CREBBP: variants seen among roughly 807,000 people sequenced by gnomAD.
CREBBP encodes the protein CREB binding lysine acetyltransferase, also known as CREB-binding protein.
CREBBP carries 19 observed loss-of-function variants against 265.0 expected under a neutral mutation model. That is an observed-to-expected ratio of 0.07 (90% CI 0.05 to 0.11). The LOEUF (loss-of-function observed/expected upper bound fraction) is 0.11, where lower values mean the gene tolerates loss of function less well. Among genes scored for constraint, CREBBP ranks in the 10% least tolerant of loss-of-function variants. CREBBP has a pLI of 1.00. For synonymous variants in CREBBP, 1,457 were observed against 1,223.7 expected (o/e 1.19, Z -3.98); for missense variants, 2,525 against 3,219.0 (o/e 0.78, Z 5.22).
chr16:3,777,401 C>A lies in CREBBP; in HGVS notation c.2158+212G>T, dbSNP rs553071109. On this transcript the variant is annotated intron_variant, in intron 11 of 30. Coordinates refer to ENST00000262367, the MANE Select transcript of CREBBP (RefSeq NM_004380.3). ...ATAAATAAATAGCTAAATACTGCTTCTTATCTCTTGGAAGATCTTTCCTAT... is the reference window on the plus strand; with the variant it reads ...ATAAATAAATAGCTAAATACTGCTTATTATCTCTTGGAAGATCTTTCCTAT... Among the ~76,000 whole-genome samples, 21 of 152,184 alleles carry A rather than the reference C, an allele frequency of 1.4e-4. 1 individual carries two copies. Among genetic ancestry groups the A allele is most frequent in the Middle Eastern group, 6.8e-3 (2 of 292 alleles).
chr16:3,760,698 C>T (rs556994425), intron 16 of CREBBP, among the ~76,000 whole-genome samples: 1 of 152,106 alleles, frequency 6.6e-6, no homozygotes, highest in East Asian at 1.9e-4. Context: ...GCCACTGTAC[C>T]CAGCCATCAT....
intron 13 of CREBBP, among the ~76,000 whole-genome samples, chr16:3,771,521 T>C (rs1350799832): frequency 6.6e-6 from 1 of 152,144 alleles, no homozygotes; most frequent in Non-Finnish European, 1.5e-5. Context: ...CCATTGAAAC[T>C]TATGGCTTAA....
At chr16:3,821,052 G>C (rs2054132583) in intron 2 of CREBBP, among the ~76,000 whole-genome samples, 1 of 152,188 alleles carries the variant, frequency 6.6e-6, no homozygotes, top group Non-Finnish European at 1.5e-5. Context: ...AAGGTCACTG[G>C]AGAAACTATT....
chr16:3,811,810 A>G (rs1567332197), intron 2 of CREBBP, among the ~76,000 whole-genome samples: 1 of 152,282 alleles, frequency 6.6e-6, no homozygotes, highest in East Asian at 1.9e-4. Flanking sequence ...GGTTTTCCTA[A>G]TAACGTTTTC....
chr16:3,770,893 G>T lies in CREBBP; in HGVS notation c.2557C>A (p.Leu853Met), dbSNP rs542970560. 4 of 1,613,764 alleles carry T rather than the reference G, an allele frequency of 2.5e-6. No individual in the cohort carries two copies. The highest frequency in any genetic ancestry group is 1.6e-4 in the Middle Eastern group (1 of 6,084). Reference protein sequence around the residue: ...LPCPPVTQSPLHPTPPPASTA... With the variant: ...LPCPPVTQSPMHPTPPPASTA... ...GAAGCAGGAGGCGGTGTTGGGTGCA[G>T]TGGTGACTGTGTCACTGGAGGGCAA... Residue 853 changes from leucine to methionine, a missense_variant, in exon 14 of 31, where the codon CTG (leucine) becomes ATG (methionine). By Grantham distance (15) the Leu-to-Met change is conservative. Around this residue, in one of 19 missense-constraint regions of CREBBP, gnomAD observed 548 missense variants for 533.0 expected, o/e 1.03. Coordinates refer to ENST00000262367, the MANE Select transcript of CREBBP (RefSeq NM_004380.3).
In CREBBP at chr16:3,725,618, G is replaced by C. The variant is rs2051722163; in HGVS notation, c.*2100C>G. ...GGATGGGGTGAATGGGGGCTGGTCAGGGGTGCCAGATGGTGGTCTTATTTT... is the reference window on the plus strand; with the variant it reads ...GGATGGGGTGAATGGGGGCTGGTCACGGGTGCCAGATGGTGGTCTTATTTT... On this transcript the variant is annotated 3_prime_UTR_variant, in exon 31 of 31. Coordinates refer to ENST00000262367, the MANE Select transcript of CREBBP (RefSeq NM_004380.3). 1 of 233,236 alleles carries C rather than the reference G, an allele frequency of 4.3e-6. No individual in the cohort carries two copies. The highest frequency in any genetic ancestry group is 2.2e-5 in the African/African-American group (1 of 45,360). The allele number at this position is 233,236 out of a possible 1,614,324, so 14.4% of individuals were successfully genotyped here.
rs2053300662 is a variant in CREBBP, at chr16:3,782,707, T to C, written c.1550A>G (p.Gln517Arg). Residue 517 changes from glutamine (Q) to arginine (R), a missense_variant, in exon 6 of 31, where the codon CAG (glutamine) becomes CGG (arginine). Around this residue, in one of 19 missense-constraint regions of CREBBP, gnomAD observed 144 missense variants for 134.0 expected, o/e 1.07. Transcript: ENST00000262367. Reference sequence around the variant, plus strand: ...ACCCAGGGGGTTGAGAGTCCTCATCTGCTGGTGGGTTTGAGGCTGTGCTGG... The same window carrying C: ...ACCCAGGGGGTTGAGAGTCCTCATCCGCTGGTGGGTTTGAGGCTGTGCTGG... ...QQPAQPQTHQ[Q>R]MRTLNPLGNN... The C allele has an allele frequency of 1.2e-6, 2 of 1,614,184 alleles. No individual in the cohort carries two copies. The highest frequency in any genetic ancestry group is 1.7e-6 in the Non-Finnish European group (2 of 1,180,010).
rs1427234829 is a variant in CREBBP, at chr16:3,857,831, G to A, written c.86-6822C>T. ...CAGCTTCCTGGCTGCCAACCAGGAG[G>A]CTACCCCTTTCATTAAGCTGAAATG... On this transcript the variant is annotated intron_variant, in intron 1 of 30. Transcript: ENST00000262367. Among the ~76,000 whole-genome samples, 5 of 152,342 alleles carry A rather than the reference G, an allele frequency of 3.3e-5. No homozygotes were observed. In the East Asian group the frequency reaches 9.6e-4, roughly 29 times the overall value.
At chr16:3,800,597 A>G (rs1165794849) in intron 3 of CREBBP, among the ~76,000 whole-genome samples, 1 of 152,152 alleles carries the variant, frequency 6.6e-6, no homozygotes, top group Non-Finnish European at 1.5e-5. Flanking sequence ...AGTCCCAGCT[A>G]CTCAGGAGGC....
intron 11 of CREBBP, among the ~76,000 whole-genome samples, chr16:3,775,861 C>T (rs981334697): frequency 6.6e-6 from 1 of 152,146 alleles, no homozygotes; most frequent in African/African-American, 2.4e-5. Flanking sequence ...TGGACCAATC[C>T]CCAACACAGC....
At chr16:3,833,408 T>C (rs563782835) in intron 2 of CREBBP, among the ~76,000 whole-genome samples, 1 of 152,206 alleles carries the variant, frequency 6.6e-6, no homozygotes, top group African/African-American at 2.4e-5. Flanking sequence ...TGAGAGTCCA[T>C]CTCAAAAGAA....
intron 1 of CREBBP, 58 bp from the exon 2 acceptor site, chr16:3,851,067 T>G (rs529634950): frequency 6.9e-7 from 1 of 1,441,820 alleles, no homozygotes; most frequent in African/African-American, 1.4e-5. Context: ...GCTCTCCAAC[T>G]GCCACGTTTC....
intron 11 of CREBBP, among the ~76,000 whole-genome samples, chr16:3,777,016 T>A (rs939551202): frequency 7.0e-6 from 1 of 143,504 alleles, no homozygotes; most frequent in Non-Finnish European, 1.5e-5. Flanking sequence ...AGGCTCTGTC[T>A]CAAAAAAATA....
chr16:3,739,524 C>G (rs1389598018), intron 25 of CREBBP, 54 bp downstream of exon 25: 1 of 1,610,512 alleles, frequency 6.2e-7, no homozygotes, highest in Non-Finnish European at 8.5e-7. Context: ...GAGCCCTGGT[C>G]TATCCTAACA....
At chr16:3,827,554 G>A (rs1597013149) in intron 2 of CREBBP, among the ~76,000 whole-genome samples, 1 of 151,948 alleles carries the variant, frequency 6.6e-6, no homozygotes, top group East Asian at 1.9e-4. Flanking sequence ...ACCACGCCCG[G>A]CTAATTTTTT....
In CREBBP at chr16:3,728,017, G is replaced by T; in HGVS notation, c.7030C>A (p.Arg2344=). 1 of 1,610,816 alleles carries T rather than the reference G, an allele frequency of 6.2e-7. No individual in the cohort carries two copies. The highest frequency in any genetic ancestry group is 8.5e-7 in the Non-Finnish European group (1 of 1,177,502). Residue 2344 remains arginine, a synonymous_variant, in exon 31 of 31, where the codon CGG becomes AGG. Transcript: ENST00000262367. This position sits in a 1 kb window ranked among gnomAD's most constrained non-coding sequence, Gnocchi z 8.7. The part of the protein sequence containing the change: ...QIATSLSNQV[R]SPAPVQSPRP... Reference sequence around the variant, plus strand: ...GGAGACTGGACAGGGGCTGGAGACCGCACCTGGTTACTAAGGGACGTGGCG... The same window carrying T: ...GGAGACTGGACAGGGGCTGGAGACCTCACCTGGTTACTAAGGGACGTGGCG...
intron 21 of CREBBP, among the ~76,000 whole-genome samples, chr16:3,747,468 G>C (rs556865274): frequency 2.0e-5 from 3 of 152,098 alleles, no homozygotes; most frequent in Non-Finnish European, 4.4e-5. Context: ...GAAACCAGGC[G>C]CAACTGTGGT....
intron 13 of CREBBP, among the ~76,000 whole-genome samples, chr16:3,772,813 T>C (rs1029656896): frequency 2.7e-5 from 4 of 149,520 alleles, no homozygotes; most frequent in African/African-American, 9.9e-5. Flanking sequence ...CTTACTCCTG[T>C]AATCCCAGCA....
rs1567331530 is a variant in CREBBP at position 3,810,786 on chromosome 16, C to G, written c.799-7G>C. 6.2e-7 allele frequency: 1 copy of G among 1,612,344 alleles called. No homozygotes were observed. The highest frequency in any genetic ancestry group is 1.1e-5 in the South Asian group (1 of 90,948). On this transcript the variant is annotated splice_region_variant and splice_polypyrimidine_tract_variant and intron_variant, in intron 2 of 30. Coordinates refer to ENST00000262367, the MANE Select transcript of CREBBP (RefSeq NM_004380.3). The stretch of plus-strand genomic sequence containing the variant: ...TGTTCCCAGTTATTCCCATCTGAAA[C>G]AAAAAAGAGGTAACATCAGCTGTGG...
Sources: gnomAD v4.1 joint callset for allele counts (sites outside exome capture counted in the v4.1 genomes callset) on GRCh38, gnomAD v4.1.1 for gene constraint, gnomAD v4.1.1 regional missense constraint, Gnocchi (gnomAD v3.1) non-coding constraint, MANE v1.5 for transcripts, NCBI Gene and HGNC (gene_info 2026-07-23, HGNC 2026-07-21) for gene names.